The following TMC1 variants were observed in gnomAD, a reference collection of about 807,000 sequenced individuals.
The protein encoded by TMC1 is transmembrane channel-like protein 1.
Under a neutral mutation model 105.8 loss-of-function variants are expected in TMC1, and 84 were observed. That is an observed-to-expected ratio of 0.79 (90% CI 0.67 to 0.95). TMC1 has a LOEUF of 0.95. Among genes scored for constraint, TMC1 ranks in the 40% least tolerant of loss-of-function variants. The pLI, the probability that TMC1 is intolerant of heterozygous loss-of-function variation, is 0.00. For missense variants in TMC1, 817 were observed against 914.1 expected, an observed-to-expected ratio of 0.89 and a Z score of 1.37; for synonymous variants, 315 against 311.5, an observed-to-expected ratio of 1.01 and a Z score of -0.12.
intron 5 of TMC1, among the ~76,000 whole-genome samples, chr9:72,661,305 T>C (rs1291826604): frequency 6.6e-6 from 1 of 152,262 alleles, no homozygotes; most frequent in African/African-American, 2.4e-5. Context: ...GGCTTTGCAT[T>C]GCTGCCATGT....
intron 3 of TMC1, among the ~76,000 whole-genome samples, chr9:72,624,277 C>T (rs904229551): frequency 1.1e-4 from 16 of 152,100 alleles, no homozygotes; most frequent in East Asian, 1.9e-4. Flanking sequence ...TGGCTAAAGA[C>T]GGCCCGGCTA....
At chr9:72,619,728 T>G (rs1442273852) in intron 3 of TMC1, among the ~76,000 whole-genome samples, 1 of 151,832 alleles carries the variant, frequency 6.6e-6, no homozygotes, top group Non-Finnish European at 1.5e-5. Context: ...GTACATTATT[T>G]TTTAGGTTAT....
intron 8 of TMC1, among the ~76,000 whole-genome samples, chr9:72,726,501 T>C (rs1228431408): frequency 2.0e-5 from 3 of 152,196 alleles, no homozygotes; most frequent in South Asian, 2.1e-4. Flanking sequence ...GAAAGGCCAG[T>C]TCACATAGGA....
chr9:72,831,991 T>C (rs1444977369), intron 23 of TMC1, among the ~76,000 whole-genome samples: 1 of 151,918 alleles, frequency 6.6e-6, no homozygotes, highest in African/African-American at 2.4e-5. Flanking sequence ...GGTCTGGCTC[T>C]GTGGCCCAGG....
Position 72,837,455 on chromosome 9 carries a change from A to G in TMC1, c.*1482A>G, listed in dbSNP as rs539846815. 2.0e-5 allele frequency: 3 copies of G among 152,170 alleles called. No individual in the cohort carries two copies. The highest frequency in any genetic ancestry group is 7.2e-5 in the African/African-American group (3 of 41,500). 9.4% of individuals were successfully genotyped at this position (152,170 alleles called of 1,614,324 possible). On this transcript the variant is annotated 3_prime_UTR_variant, in exon 24 of 24. Transcript: ENST00000297784. ...CCTCTCTTGCCCTGCTTATGTTTTTATGTTTGCCTAACTACCTACTCTAAC... is the reference window on the plus strand; with the variant it reads ...CCTCTCTTGCCCTGCTTATGTTTTTGTGTTTGCCTAACTACCTACTCTAAC...
rs368968408 is a variant in TMC1 at position 72,822,514 on chromosome 9, TTGTGTGTGTG to T, written c.2003+1471_2003+1480del. Among the ~76,000 whole-genome samples the T allele has an allele frequency of 6.4e-3, 864 of 135,852 alleles. 7 individuals carry two copies. The highest frequency in any genetic ancestry group is 0.022 in the African/African-American group (790 of 36,562). 89.1% of individuals were successfully genotyped at this position (135,852 alleles called of 152,430 possible). On this transcript the variant is annotated intron_variant, in intron 20 of 23. Transcript: ENST00000297784. ...ATGTTGAGAAGCTCTGTTAATTCCG[TTGTGTGTGTG>T]TGTGTGTGTGTGTGTGTGTGTGTGT...
chr9:72,715,850 T>C (rs1826907934), intron 8 of TMC1, among the ~76,000 whole-genome samples: 1 of 152,194 alleles, frequency 6.6e-6, no homozygotes, highest in South Asian at 2.1e-4. Flanking sequence ...ATTCTGGTTT[T>C]TGGAATGTTC....
At chr9:72,628,780 T>A (rs989345326) in intron 4 of TMC1, among the ~76,000 whole-genome samples, 10 of 152,256 alleles carry the variant, frequency 6.6e-5, no homozygotes, top group African/African-American at 2.2e-4. Context: ...TATAGAGAGC[T>A]TTATTTATCT....
At chr9:72,538,723 C>T (rs1274587556) in intron 1 of TMC1, among the ~76,000 whole-genome samples, 3 of 152,272 alleles carry the variant, frequency 2.0e-5, no homozygotes, top group Non-Finnish European at 2.9e-5. Context: ...ACTGGGATTA[C>T]AGGCATGAGC....
At chr9:72,808,579 T>C (rs1237570978) in intron 18 of TMC1, among the ~76,000 whole-genome samples, 1 of 152,264 alleles carries the variant, frequency 6.6e-6, no homozygotes, top group East Asian at 1.9e-4. Flanking sequence ...CTCTCTTATT[T>C]GAACTGTGTG....
chr9:72,801,065 TCTC>T (rs1042287621), intron 17 of TMC1, among the ~76,000 whole-genome samples: 4 of 152,332 alleles, frequency 2.6e-5, no homozygotes, highest in Non-Finnish European at 5.9e-5. Flanking sequence ...TGTTTCCTCT[TCTC>T]CTCCATGGAT....
At chr9:72,586,461 A>G (rs1824555374) in intron 2 of TMC1, among the ~76,000 whole-genome samples, 1 of 152,176 alleles carries the variant, frequency 6.6e-6, no homozygotes, top group African/African-American at 2.4e-5. Context: ...AGATTCCCCC[A>G]CAATCTAGGT....
chr9:72,620,924 T>C (rs1371190074), intron 3 of TMC1, among the ~76,000 whole-genome samples: 1 of 152,256 alleles, frequency 6.6e-6, no homozygotes, highest in Non-Finnish European at 1.5e-5. Context: ...GAGTTTACTA[T>C]GCCTGGTGTA....
chr9:72,808,995 A>G (rs958017997), intron 18 of TMC1: 4 of 152,260 alleles, frequency 2.6e-5, no homozygotes, highest in Non-Finnish European at 5.9e-5. Context: ...TCGGTGAACG[A>G]CAGTGAGGTA....
At chr9:72,783,153 GAT>G (rs373297077) in intron 13 of TMC1, among the ~76,000 whole-genome samples, 15 of 149,458 alleles carry the variant, frequency 1.0e-4, no homozygotes, top group Admixed American at 3.3e-4. Flanking sequence ...ACTAATAGGA[GAT>G]ATATATATAT....
intron 8 of TMC1, among the ~76,000 whole-genome samples, chr9:72,701,147 A>C (rs1228517618): frequency 6.6e-6 from 1 of 152,124 alleles, no homozygotes; most frequent in Admixed American, 6.6e-5. Context: ...CCTGGTCTCA[A>C]ATGAACTTTT....
At chr9:72,732,985 A>T (rs1010578649) in intron 8 of TMC1, among the ~76,000 whole-genome samples, 1 of 152,148 alleles carries the variant, frequency 6.6e-6, no homozygotes, top group African/African-American at 2.4e-5. Context: ...GATCAAAGGC[A>T]TTTAATAACT....
At chr9:72,522,908 T>C (rs895836166) in intron 1 of TMC1, among the ~76,000 whole-genome samples, 2 of 152,220 alleles carry the variant, frequency 1.3e-5, no homozygotes, top group African/African-American at 4.8e-5. Flanking sequence ...GGGGCTGTCC[T>C]GTGCACTGTA....
chr9:72,761,704 A>G (rs1462785132), intron 12 of TMC1, among the ~76,000 whole-genome samples: 1 of 152,232 alleles, frequency 6.6e-6, no homozygotes, highest in African/African-American at 2.4e-5. Context: ...GGTTAGACAC[A>G]TATAGAATGT....
Sources: allele counts gnomAD v4.1 joint callset (sites outside exome capture counted in the v4.1 genomes callset), GRCh38; gene constraint gnomAD v4.1.1; transcripts MANE v1.5; gene names NCBI Gene and HGNC (gene_info 2026-07-23, HGNC 2026-07-21).